The following MORN1 variants were observed in gnomAD, a reference collection of about 807,000 sequenced individuals.
MORN1 encodes the protein MORN repeat-containing protein 1.
Under a neutral mutation model 61.9 loss-of-function variants are expected in MORN1, and 67 were observed. That is an observed-to-expected ratio of 1.08 (90% CI 0.89 to 1.33). MORN1 has a LOEUF of 1.33. Ranked by LOEUF, MORN1 falls within the 40% of genes most tolerant of loss-of-function variation. The pLI is 0.00. For synonymous variants in MORN1, 301 were observed against 292.0 expected (o/e 1.03, Z -0.31); for missense variants, 752 against 691.2 (o/e 1.09, Z -0.99).
chr1:2,342,794 C>T (rs1305837653), intron 10 of MORN1, among the ~76,000 whole-genome samples: 5 of 151,752 alleles, frequency 3.3e-5, no homozygotes, highest in Non-Finnish European at 5.9e-5. Context: ...GAGAAGGGAC[C>T]TGGGCTGGCC....
chr1:2,367,835 G>T (rs1226239240), intron 8 of MORN1, among the ~76,000 whole-genome samples: 1 of 152,086 alleles, frequency 6.6e-6, no homozygotes, highest in African/African-American at 2.4e-5. Context: ...TGCCACGTTG[G>T]CCAGGCTGGT....
chr1:2,346,473 A>T (rs1266206741), intron 10 of MORN1, among the ~76,000 whole-genome samples: 1 of 151,614 alleles, frequency 6.6e-6, no homozygotes, highest in Non-Finnish European at 1.5e-5. Context: ...GCAACCTCCG[A>T]CTCCCTGGTT....
intron 10 of MORN1, among the ~76,000 whole-genome samples, chr1:2,346,266 G>C (rs1569958152): frequency 1.3e-5 from 2 of 152,226 alleles, no homozygotes; most frequent in African/African-American, 4.8e-5. Context: ...CCGCAGTCAG[G>C]GAAAGGCCCC....
At chr1:2,335,834 A>AGCCCAGCCCGGCCCG (rs1553208757) in intron 12 of MORN1, among the ~76,000 whole-genome samples, 3 of 143,100 alleles carry the variant, frequency 2.1e-5, no homozygotes, top group African/African-American at 9.0e-5. Context: ...TCCATAGCCC[A>AGCCCAGCCCGGCCCG]GCCCAGCCCA....
intron 6 of MORN1, chr1:2,376,109 T>C (rs890205576): frequency 3.3e-5 from 5 of 152,594 alleles, no homozygotes; most frequent in Admixed American, 2.6e-4. Context: ...CTGGAGGCCA[T>C]GCCATGCCCT....
At position 2,357,875 on chromosome 1, in the gene MORN1, C is replaced by T. The variant is rs1268085368; in HGVS notation, c.870-277G>A. On this transcript the variant is annotated intron_variant, in intron 9 of 13. Coordinates refer to ENST00000378531, the MANE Select transcript of MORN1 (RefSeq NM_024848.3). The surrounding 1 kb of genome is among the most constrained non-coding windows in gnomAD (Gnocchi z 6.3). ...TGACAACTCCAGCAGCGTCACCTCTCGGGTGCGTTCTGACTTCACAGTGGG... is the reference window on the plus strand; with the variant it reads ...TGACAACTCCAGCAGCGTCACCTCTTGGGTGCGTTCTGACTTCACAGTGGG... Among the ~76,000 whole-genome samples the T allele has an allele frequency of 3.9e-5, 6 of 152,138 alleles. No homozygotes were observed. The highest frequency in any genetic ancestry group is 2.1e-4 in the South Asian group (1 of 4,826).
At chr1:2,332,524 G>A (rs779388402) in intron 12 of MORN1, 7 of 442,704 alleles carry the variant, frequency 1.6e-5, no homozygotes, top group South Asian at 7.9e-5. Context: ...CACGCAGGCC[G>A]CTAGGACCTG....
chr1:2,328,436 C>T (rs988700878), intron 12 of MORN1, among the ~76,000 whole-genome samples: 2 of 152,204 alleles, frequency 1.3e-5, no homozygotes, highest in African/African-American at 4.8e-5. Context: ...CTCTGGGGTT[C>T]CACGTGGCCT....
chr1:2,324,025 A>G, intron 13 of MORN1, 72 bp downstream of exon 13: 7 of 1,506,788 alleles, frequency 4.6e-6, no homozygotes, highest in Non-Finnish European at 6.2e-6. Context: ...CCCCACCTCC[A>G]GCCCTGGGCT....
chr1:2,323,891 G>C (rs568309271), intron 13 of MORN1: 2 of 985,142 alleles, frequency 2.0e-6, no homozygotes, highest in South Asian at 4.7e-5. Flanking sequence ...AATCTTTCTG[G>C]ACCGTCCCCA....
chr1:2,390,029 C>CA, intron 1 of MORN1, 33 bp from the exon 2 acceptor site: 1 of 1,579,498 alleles, frequency 6.3e-7, no homozygotes, highest in Non-Finnish European at 8.7e-7. Context: ...CAGGTAAGCA[C>CA]AGACACAGAG....
intron 6 of MORN1, among the ~76,000 whole-genome samples, chr1:2,379,586 G>A (rs1310125428): frequency 6.6e-6 from 1 of 152,194 alleles, no homozygotes; most frequent in African/African-American, 2.4e-5. Flanking sequence ...GCCAGGACTG[G>A]GGGAGACTAC....
At chr1:2,351,832 G>A (rs917959450) in intron 10 of MORN1, 12 of 526,658 alleles carry the variant, frequency 2.3e-5, no homozygotes, top group Non-Finnish European at 3.3e-5. Context: ...GTGTGTGGCA[G>A]CATCTTGCTA....
At chr1:2,371,925 AG>A in intron 8 of MORN1, 1 of 174,660 alleles carries the variant, frequency 5.7e-6, no homozygotes, top group Non-Finnish European at 1.3e-5. Flanking sequence ...AAAAAAAAAA[AG>A]TTCAAACATA....
At position 2,357,185 on chromosome 1, in the gene MORN1, G is replaced by A. The variant is rs887687235; in HGVS notation, c.1036+247C>T. 1.3e-5 allele frequency among the ~76,000 whole-genome samples: 2 copies of A among 152,146 alleles called. No individual in the cohort carries two copies. The highest frequency in any genetic ancestry group is 2.4e-5 in the African/African-American group (1 of 41,432). On this transcript the variant is annotated intron_variant, in intron 10 of 13. Transcript: ENST00000378531. The surrounding 1 kb of genome is among the most constrained non-coding windows in gnomAD (Gnocchi z 6.3). ...CAGAACTCTGCCCTGAGGACCCCAC[G>A]AGGCTGCAGCCCCTGCCAGGCTCAC...
intron 7 of MORN1, among the ~76,000 whole-genome samples, chr1:2,373,483 A>G (rs922572809): frequency 6.6e-6 from 1 of 152,154 alleles, no homozygotes; most frequent in Non-Finnish European, 1.5e-5. Context: ...AACAAGGGCC[A>G]AGAGACTTTT....
intron 12 of MORN1, among the ~76,000 whole-genome samples, chr1:2,325,960 G>C (rs1396722109): frequency 6.6e-6 from 1 of 152,106 alleles, no homozygotes. Context: ...CAGGTGTGCC[G>C]GGCTGGGCTG....
chr1:2,381,947 G>T (rs1325119085), intron 6 of MORN1, among the ~76,000 whole-genome samples: 5 of 152,266 alleles, frequency 3.3e-5, no homozygotes, highest in Non-Finnish European at 5.9e-5. Context: ...TGAGCACCCT[G>T]GTGCTGTCAG....
At position 2,334,666 on chromosome 1, in the gene MORN1, TGAAC is replaced by T. The variant is rs773693386; in HGVS notation, c.1250+1799_1250+1802del. Among the ~76,000 whole-genome samples the T allele has an allele frequency of 2.0e-4, 31 of 152,204 alleles. No individual in the cohort carries two copies. The East Asian group carries it at 6.0e-3, about 29-fold the overall frequency. ...TGTGCCCCGAAGAGACGACATCATT[TGAAC>T]ACTGAACACTCCGACTCCGCGGCCA... On this transcript the variant is annotated intron_variant, in intron 12 of 13. Coordinates refer to ENST00000378531, the MANE Select transcript of MORN1 (RefSeq NM_024848.3). The surrounding 1 kb of genome is among the most constrained non-coding windows in gnomAD (Gnocchi z 5.4).
Sources: gnomAD v4.1 joint callset for allele counts (sites outside exome capture counted in the v4.1 genomes callset) on GRCh38, gnomAD v4.1.1 for gene constraint, Gnocchi (gnomAD v3.1) non-coding constraint, MANE v1.5 for transcripts, NCBI Gene and HGNC (gene_info 2026-07-23, HGNC 2026-07-21) for gene names.